The following INTS4 variants were observed in gnomAD, a reference collection of about 807,000 sequenced individuals.
The protein encoded by INTS4 is MSTP093.
A neutral mutation model predicts 119.5 loss-of-function variants in INTS4; 70 were observed. The ratio of observed to expected loss-of-function variants is 0.59; its 90% CI spans 0.48 to 0.71. The LOEUF is 0.71. Ranked by LOEUF, INTS4 falls within the 30% of genes least tolerant of loss-of-function variation. The pLI is 0.00. For synonymous variants in INTS4, 316 were observed against 419.6 expected (o/e 0.75, Z 3.02); for missense variants, 867 against 1,173.2 (o/e 0.74, Z 3.81).
chr11:77,960,419 C>A lies in INTS4; in HGVS notation c.658-28G>T, dbSNP rs772987091. 2.0e-6 allele frequency: 3 copies of A among 1,504,800 alleles called. No homozygotes were observed. In the South Asian group the frequency reaches 3.5e-5, roughly 18 times the overall value. 93.2% of individuals were successfully genotyped at this position (1,504,800 alleles called of 1,614,324 possible). A position where few individuals can be genotyped will look rare whatever the true frequency, so the allele number is the denominator to read the frequency against. On this transcript the variant is annotated intron_variant, in intron 5 of 22. Coordinates refer to ENST00000534064, the MANE Select transcript of INTS4 (RefSeq NM_033547.4). The stretch of plus-strand genomic sequence containing the variant: ...AGATAATAAATATATAGTTTAAGTG[C>A]TTGGGAGGAAAAGAGCAATATTTCC...
intron 15 of INTS4, among the ~76,000 whole-genome samples, chr11:77,910,432 G>A (rs1421019082): frequency 4.8e-5 from 7 of 147,134 alleles, no homozygotes; most frequent in Admixed American, 2.7e-4. Context: ...ATCACACCCC[G>A]GGGCCTGTTG....
chr11:77,928,605 T>G lies in INTS4; in HGVS notation c.1166-58A>C, dbSNP rs1258850085. On this transcript the variant is annotated intron_variant, in intron 10 of 22. Transcript: ENST00000534064. ...GGCTGGGCACAGTGGCTCACGCCTG[T>G]AATCCCAGCACTTTGGGAGGCCAAG... The G allele has an allele frequency of 3.2e-6, 5 of 1,542,056 alleles. No homozygotes were observed. The African/African-American group carries it at 6.9e-5, about 21-fold the overall frequency.
chr11:77,943,449 A>G (rs1260338627), intron 8 of INTS4, among the ~76,000 whole-genome samples: 1 of 152,226 alleles, frequency 6.6e-6, no homozygotes, highest in African/African-American at 2.4e-5. Flanking sequence ...GTTGTGACTC[A>G]ATGGATGTGA....
chr11:77,893,100 A>G (rs1952349279), intron 19 of INTS4, among the ~76,000 whole-genome samples: 2 of 152,198 alleles, frequency 1.3e-5, no homozygotes, highest in East Asian at 1.9e-4. Context: ...TTAAGATCCT[A>G]TGTCTTCTCC....
chr11:77,937,945 T>C (rs1953841037), intron 10 of INTS4, among the ~76,000 whole-genome samples: 6 of 152,066 alleles, frequency 3.9e-5, no homozygotes, highest in South Asian at 4.1e-4. Context: ...CCTCCTGAGT[T>C]CAAGTGATTC....
At chr11:77,931,794 C>T (rs999726514) in intron 10 of INTS4, among the ~76,000 whole-genome samples, 1 of 152,188 alleles carries the variant, frequency 6.6e-6, no homozygotes, top group Non-Finnish European at 1.5e-5. Context: ...CACACATCTA[C>T]AACCATCTGA....
At position 77,984,320 on chromosome 11, in the gene INTS4, C is replaced by G. The variant is rs932166088; in HGVS notation, c.247-2744G>C. 3.9e-5 allele frequency among the ~76,000 whole-genome samples: 6 copies of G among 152,052 alleles called. No individual in the cohort carries two copies. The East Asian group carries it at 9.7e-4, about 24-fold the overall frequency. On this transcript the variant is annotated intron_variant, in intron 2 of 22. Transcript: ENST00000534064. ...ACCAGACTGACCAACATGGCAAAAC[C>G]CTGTCTCTACCAAAAATACAAAAAT...
intron 15 of INTS4, among the ~76,000 whole-genome samples, chr11:77,912,479 G>A (rs1448052698): frequency 2.0e-5 from 3 of 151,990 alleles, no homozygotes; most frequent in Admixed American, 2.0e-4. Context: ...ATGCCACTAT[G>A]CCACTATGTG....
intron 12 of INTS4, 57 bp downstream of exon 12, chr11:77,924,693 A>G: frequency 1.3e-6 from 2 of 1,496,592 alleles, no homozygotes; most frequent in Non-Finnish European, 9.3e-7. Flanking sequence ...AAATGTCAGC[A>G]TTATACATTT....
intron 21 of INTS4, among the ~76,000 whole-genome samples, chr11:77,885,805 G>A (rs529261492): frequency 8.2e-4 from 125 of 151,560 alleles, no homozygotes; most frequent in African/African-American, 2.8e-3. Flanking sequence ...GGGTGACAGA[G>A]TGAGATTCTG....
intron 9 of INTS4, among the ~76,000 whole-genome samples, chr11:77,939,862 A>AC (rs1390081040): frequency 6.6e-6 from 1 of 151,212 alleles, no homozygotes; most frequent in African/African-American, 2.4e-5. Context: ...AAAAAAAAAC[A>AC]AAACAAACAA....
chr11:77,895,450 G>A (rs1952468597), intron 18 of INTS4, among the ~76,000 whole-genome samples: 1 of 125,974 alleles, frequency 7.9e-6, no homozygotes, highest in East Asian at 2.6e-4. Context: ...TTTGCTGAAT[G>A]AACAAAAAAT....
chr11:77,901,584 A>T (rs1952779031), intron 17 of INTS4, 33 bp from the exon 18 acceptor site: 2 of 1,515,452 alleles, frequency 1.3e-6, no homozygotes, highest in African/African-American at 2.7e-5. Flanking sequence ...AATCAATAAA[A>T]ATATCATAGT....
rs560077810 is a variant in INTS4 at position 77,920,158 on chromosome 11, T to C, written c.1765-1180A>G. Among the ~76,000 whole-genome samples the C allele has an allele frequency of 1.3e-4, 20 of 149,432 alleles. No homozygotes were observed. In the East Asian group the frequency reaches 1.6e-3, roughly 12 times the overall value. ...TAAATTTTCTAACCATATATATATA[T>C]ACACATATATATACATATACATATA... On this transcript the variant is annotated intron_variant, in intron 14 of 22. Coordinates refer to ENST00000534064, the MANE Select transcript of INTS4 (RefSeq NM_033547.4).
intron 15 of INTS4, among the ~76,000 whole-genome samples, chr11:77,913,297 G>T (rs1953128742): frequency 6.7e-6 from 1 of 149,454 alleles, no homozygotes; most frequent in Admixed American, 6.8e-5. Flanking sequence ...AAATAAGCCA[G>T]TTAGTTTAAA....
At chr11:77,951,390 C>A (rs1954191934) in intron 8 of INTS4, among the ~76,000 whole-genome samples, 1 of 152,114 alleles carries the variant, frequency 6.6e-6, no homozygotes, top group African/African-American at 2.4e-5. Flanking sequence ...TTTGACAAAT[C>A]TGACAAAAAC....
chr11:77,967,267 G>A (rs139655972), intron 4 of INTS4, among the ~76,000 whole-genome samples: 4 of 152,238 alleles, frequency 2.6e-5, no homozygotes, highest in Admixed American at 2.6e-4. Context: ...GTTAAATGAG[G>A]TCATAAGGAT....
intron 11 of INTS4, among the ~76,000 whole-genome samples, chr11:77,926,112 T>C (rs147706527): frequency 0.014 from 2,146 of 152,280 alleles, 18 homozygotes; most frequent in Non-Finnish European, 0.02. Context: ...GATATCCCTA[T>C]ATTTCTAATA....
intron 4 of INTS4, chr11:77,978,300 T>A (rs780939602): frequency 6.6e-6 from 1 of 152,240 alleles, no homozygotes; most frequent in Non-Finnish European, 1.5e-5. Flanking sequence ...GATAGCTTTC[T>A]AATTTCAAGA....
Sources: gnomAD v4.1 joint callset for allele counts (sites outside exome capture counted in the v4.1 genomes callset) on GRCh38, gnomAD v4.1.1 for gene constraint, MANE v1.5 for transcripts, NCBI Gene and HGNC (gene_info 2026-07-23, HGNC 2026-07-21) for gene names.